The following PTPRU variants were observed in gnomAD, a reference collection of about 807,000 sequenced individuals.
PTPRU encodes the protein receptor-type tyrosine-protein phosphatase U.
Under a neutral mutation model 166.3 loss-of-function variants are expected in PTPRU, and 69 were observed. The observed-to-expected ratio is 0.41, with a 90% CI of 0.34 to 0.51. PTPRU has a LOEUF of 0.51. Among genes scored for constraint, PTPRU ranks in the 20% least tolerant of loss-of-function variants. The pLI, the probability that PTPRU is intolerant of heterozygous loss-of-function variation, is 0.09. For missense variants in PTPRU, 1,657 were observed against 2,013.7 expected, an observed-to-expected ratio of 0.82 and a Z score of 3.39; for synonymous variants, 793 against 814.0, an observed-to-expected ratio of 0.97 and a Z score of 0.44.
At position 29,325,651 on chromosome 1, in the gene PTPRU, A is replaced by C; in HGVS notation, c.4301A>C (p.Glu1434Ala). The C allele has an allele frequency of 6.2e-7, 1 of 1,608,884 alleles. No homozygotes were observed. The highest frequency in any genetic ancestry group is 1.3e-5 in the African/African-American group (1 of 74,930). Residue 1434 changes from glutamate to alanine, a missense_variant, in exon 30 of 30, where the codon GAG (glutamate) becomes GCG (alanine). Around this residue, in one of 3 missense-constraint regions of PTPRU, gnomAD observed 1,190 missense variants for 1,477.4 expected, o/e 0.81. Transcript: ENST00000373779. ...GCCCTGGAGTACTTGGAGGGGCTGG[A>C]GTCAAGATAGCGGGGCCCTGGCCTG... ...DVALEYLEGL[E>A]SR
intron 7 of PTPRU, among the ~76,000 whole-genome samples, chr1:29,266,942 G>A (rs1429882225): frequency 6.6e-6 from 1 of 152,004 alleles, no homozygotes; most frequent in Non-Finnish European, 1.5e-5. Context: ...CGGTATTTGC[G>A]GGCTGGGCAT....
chr1:29,276,647 C>T (rs1685819290), intron 8 of PTPRU, among the ~76,000 whole-genome samples: 1 of 152,160 alleles, frequency 6.6e-6, no homozygotes, highest in African/African-American at 2.4e-5. Context: ...ATTTAATGTC[C>T]ATAGGCTCTA....
chr1:29,292,706 A>ACAAACAG (rs1557457797), intron 15 of PTPRU, among the ~76,000 whole-genome samples: 1 of 152,212 alleles, frequency 6.6e-6, no homozygotes, highest in East Asian at 1.9e-4. Flanking sequence ...TAACAATACA[A>ACAAACAG]CAAACAGCAA....
At position 29,237,352 on chromosome 1, in the gene PTPRU, G is replaced by A. The variant is rs537323526; in HGVS notation, c.73+635G>A. 3.9e-5 allele frequency among the ~76,000 whole-genome samples: 6 copies of A among 152,286 alleles called. No homozygotes were observed. In the East Asian group the frequency reaches 1.2e-3, roughly 29 times the overall value. ...AGGGTATGTGGTGTGTGCTGCCGGG[G>A]GCCGCGTGGGTCCGAGTGAATGCCA... is the stretch of plus-strand genomic sequence containing the variant. On this transcript the variant is annotated intron_variant, in intron 1 of 29. Coordinates refer to ENST00000373779, the MANE Select transcript of PTPRU (RefSeq NM_133178.4). The surrounding 1 kb of genome is among the most constrained non-coding windows in gnomAD (Gnocchi z 6.4).
chr1:29,300,232 G>GT (rs1439207782), intron 15 of PTPRU, among the ~76,000 whole-genome samples: 1 of 152,150 alleles, frequency 6.6e-6, no homozygotes, highest in Non-Finnish European at 1.5e-5. Flanking sequence ...CCATCTCTCA[G>GT]TGTCTACATT....
At position 29,254,612 on chromosome 1, in the gene PTPRU, G is replaced by A. The variant is rs969198995; in HGVS notation, c.74-663G>A. ...AAAATAGTGGTGCCTGACTCAGAAC[G>A]CGTGGCCTGAACGAGGCTCTGTACT... On this transcript the variant is annotated intron_variant, in intron 1 of 29. Transcript: ENST00000373779. Among the ~76,000 whole-genome samples the A allele has an allele frequency of 4.6e-5, 7 of 152,206 alleles. No individual in the cohort carries two copies. The South Asian group carries it at 6.2e-4, about 13-fold the overall frequency.
chr1:29,245,246 T>G (rs12057666), intron 1 of PTPRU, among the ~76,000 whole-genome samples: 15,906 of 152,216 alleles, frequency 0.1, 1,126 homozygotes, highest in African/African-American at 0.2. Flanking sequence ...CGATTCTAGA[T>G]GGCCTATCCT....
At chr1:29,242,897 G>A (rs945681549) in intron 1 of PTPRU, among the ~76,000 whole-genome samples, 5 of 151,672 alleles carry the variant, frequency 3.3e-5, no homozygotes, top group African/African-American at 9.7e-5. Flanking sequence ...TCACGCTCTC[G>A]GTTTCTTTTT....
chr1:29,258,312 A>G (rs1684862569), intron 2 of PTPRU, among the ~76,000 whole-genome samples, 193 bp from the exon 3 acceptor site: 2 of 152,186 alleles, frequency 1.3e-5, no homozygotes, highest in Admixed American at 1.3e-4. Context: ...TTACTGCTCC[A>G]GGTCTCCTGT....
chr1:29,325,540 C>G, intron 29 of PTPRU, 59 bp from the exon 30 acceptor site: 1 of 1,556,112 alleles, frequency 6.4e-7, no homozygotes, highest in South Asian at 1.1e-5. Flanking sequence ...TTCCCCTCCC[C>G]CCACAATACT....
chr1:29,254,172 G>A (rs1684673679), intron 1 of PTPRU, among the ~76,000 whole-genome samples: 3 of 152,268 alleles, frequency 2.0e-5, no homozygotes, highest in Non-Finnish European at 2.9e-5. Context: ...TTGCTTCCTC[G>A]CCACTTGCTT....
intron 7 of PTPRU, among the ~76,000 whole-genome samples, chr1:29,265,431 C>T (rs148333596): frequency 3.9e-4 from 59 of 152,114 alleles, no homozygotes; most frequent in African/African-American, 1.4e-3. Flanking sequence ...AGCATGATCT[C>T]AGCTCACTGC....
rs372935039 is a variant in PTPRU, at chr1:29,280,885, C to T, written c.1868+744C>T. Among the ~76,000 whole-genome samples the T allele has an allele frequency of 1.3e-5, 2 of 152,222 alleles. No individual in the cohort carries two copies. Among genetic ancestry groups the T allele is most frequent in the African/African-American group, 4.8e-5 (2 of 41,516 alleles). On this transcript the variant is annotated intron_variant, in intron 11 of 29. Coordinates refer to ENST00000373779, the MANE Select transcript of PTPRU (RefSeq NM_133178.4). This position sits in a 1 kb window ranked among gnomAD's most constrained non-coding sequence, Gnocchi z 4.2. ...GAAGCCATTTATCCTCATGGCAGCCCTGTGGCATGGGTATTATTACCTTCA... is the reference window on the plus strand; with the variant it reads ...GAAGCCATTTATCCTCATGGCAGCCTTGTGGCATGGGTATTATTACCTTCA...
chr1:29,294,909 G>T (rs1686810711), intron 15 of PTPRU, among the ~76,000 whole-genome samples: 1 of 152,048 alleles, frequency 6.6e-6, no homozygotes, highest in Non-Finnish European at 1.5e-5. Context: ...TTCTTTCATT[G>T]GTTGGTTTGG....
In PTPRU at chr1:29,311,265, C is replaced by T. The variant is rs1687642795; in HGVS notation, c.2858-191C>T. ...GCGGGCTCTTTAGCCAGGCCCTCTC[C>T]TGATGCTACCCAACCTCAGGGCCCT... On this transcript the variant is annotated intron_variant, in intron 19 of 29. Transcript: ENST00000373779. This position sits in a 1 kb window ranked among gnomAD's most constrained non-coding sequence, Gnocchi z 4.1. 1 of 615,510 alleles carries T rather than the reference C, an allele frequency of 1.6e-6. No homozygotes were observed. The highest frequency in any genetic ancestry group is 2.9e-6 in the Non-Finnish European group (1 of 349,746). The allele number at this position is 615,510 out of a possible 1,614,324, so 38.1% of individuals were successfully genotyped here. A position where few individuals can be genotyped will look rare whatever the true frequency, so the allele number is the denominator to read the frequency against.
intron 2 of PTPRU, among the ~76,000 whole-genome samples, chr1:29,256,228 G>A (rs1165408837): frequency 6.6e-6 from 1 of 152,154 alleles, no homozygotes; most frequent in African/African-American, 2.4e-5. Flanking sequence ...AGGGTCTTTG[G>A]GGGCCCTGAT....
At position 29,311,678 on chromosome 1, in the gene PTPRU, C is replaced by T. The variant is rs754172833; in HGVS notation, c.2991C>T (p.Asp997=). The change falls in exon 21 of 30, where the codon GAC becomes GAT. Residue 997 remains aspartate (D), a synonymous_variant. Transcript: ENST00000373779. This position sits in a 1 kb window ranked among gnomAD's most constrained non-coding sequence, Gnocchi z 4.1. The stretch of plus-strand genomic sequence containing the variant: ...CACGGTACTGGCCGGAGGACTCAGA[C>T]ACCTACGGGGACATCAAGATTATGC... The part of the protein sequence containing the change: ...KCSRYWPEDS[D]TYGDIKIMLV... 2.2e-5 allele frequency: 35 copies of T among 1,614,094 alleles called. No homozygotes were observed. Among genetic ancestry groups the T allele is most frequent in the Non-Finnish European group, 2.7e-5 (32 of 1,180,026 alleles).
chr1:29,276,241 C>G (rs1188611407), intron 8 of PTPRU, among the ~76,000 whole-genome samples: 1 of 151,856 alleles, frequency 6.6e-6, no homozygotes, highest in Non-Finnish European at 1.5e-5. Flanking sequence ...GCTGCAGCCT[C>G]CTCCTCCCAG....
rs574255906 is a variant in PTPRU at position 29,260,077 on chromosome 1, C to CGTGA, written c.850+33_850+34insGTGA. The stretch of plus-strand genomic sequence containing the variant: ...GGTGGACGCCGGGGAGCGCCGGGAC[C>CGTGA]TCACCCTCGAGGGGCGGGGCCGGCG... On this transcript the variant is annotated intron_variant, in intron 6 of 29. Coordinates refer to ENST00000373779, the MANE Select transcript of PTPRU (RefSeq NM_133178.4). This position sits in a 1 kb window ranked among gnomAD's most constrained non-coding sequence, Gnocchi z 8.3. 3.7e-4 allele frequency: 508 copies of CGTGA among 1,375,226 alleles called. 4 individuals carry two copies. In the African/African-American group the frequency reaches 7.3e-3, roughly 20 times the overall value. The allele number at this position is 1,375,226 out of a possible 1,614,324, so 85.2% of individuals were successfully genotyped here.
Sources: gnomAD v4.1 joint callset for allele counts (sites outside exome capture counted in the v4.1 genomes callset) on GRCh38, gnomAD v4.1.1 for gene constraint, gnomAD v4.1.1 regional missense constraint, Gnocchi (gnomAD v3.1) non-coding constraint, MANE v1.5 for transcripts, NCBI Gene and HGNC (gene_info 2026-07-23, HGNC 2026-07-21) for gene names.